The following SIGLEC6 variants were observed in gnomAD, a reference collection of about 807,000 sequenced individuals.
SIGLEC6 encodes sialic acid binding Ig like lectin 6.
A neutral mutation model predicts 41.4 loss-of-function variants in SIGLEC6; 31 were observed. The observed-to-expected ratio is 0.75, with a 90% CI of 0.56 to 1.01. The LOEUF (loss-of-function observed/expected upper bound fraction) is 1.01. Ranked by LOEUF, SIGLEC6 falls within the 50% of genes least tolerant of loss-of-function variation. SIGLEC6 has a pLI of 0.00. For missense variants in SIGLEC6, 555 were observed against 558.6 expected (o/e 0.99, Z 0.06); for synonymous variants, 217 against 231.0 (o/e 0.94, Z 0.55).
chr19:51,528,004 T>C (rs1568551589), intron 6 of SIGLEC6, among the ~76,000 whole-genome samples, 156 bp downstream of exon 6: 1 of 152,176 alleles, frequency 6.6e-6, no homozygotes, highest in Admixed American at 6.5e-5. Context: ...GTTCAGCTGG[T>C]CAACGGGGTA....
intron 6 of SIGLEC6, 134 bp downstream of exon 6, chr19:51,528,026 C>A: frequency 2.2e-6 from 2 of 915,520 alleles, no homozygotes; most frequent in Non-Finnish European, 1.7e-6. Context: ...TTCACACCAC[C>A]ACTACCCTCC....
Position 51,528,161 on chromosome 19 carries a change from T to C in SIGLEC6, c.1105A>G (p.Arg369Gly), listed in dbSNP as rs1346082303. 19 of 1,613,760 alleles carry C rather than the reference T, an allele frequency of 1.2e-5. No individual in the cohort carries two copies. Among genetic ancestry groups the C allele is most frequent in the Admixed American group, 3.3e-5 (2 of 59,994 alleles). Reference protein sequence around the residue: ...LVFLCVCFIFRVKTRRKKAAQ... With the variant: ...LVFLCVCFIFGVKTRRKKAAQ... The stretch of plus-strand genomic sequence containing the variant: ...TGCCTCCCTGGAGCCCACTCTCACC[T>C]GAAGATGAAGCAAACACAGAGGAAA... Residue 369 changes from arginine to glycine, a missense_variant and splice_region_variant, in exon 6 of 8, where the codon AGA becomes GGA. By Grantham distance (125) the Arg-to-Gly change is moderately radical (BLOSUM62 -2). Coordinates refer to ENST00000425629, the MANE Select transcript of SIGLEC6 (RefSeq NM_001245.7).
intron 7 of SIGLEC6, among the ~76,000 whole-genome samples, chr19:51,524,785 T>C (rs537944599): frequency 4.6e-5 from 7 of 152,054 alleles, no homozygotes; most frequent in Non-Finnish European, 1.0e-4. Context: ...GAAGGACACG[T>C]TGACATTCAT....
chr19:51,530,803 G>A lies in SIGLEC6; in HGVS notation c.584C>T (p.Thr195Ile). Residue 195 changes from threonine to isoleucine, a missense_variant, in exon 3 of 8, where the codon ACC (threonine) becomes ATC (isoleucine). By Grantham distance (89) the Thr-to-Ile change is moderately conservative. Coordinates refer to ENST00000425629, the MANE Select transcript of SIGLEC6 (RefSeq NM_001245.7). ...GGTGATTGTGAGCACCGAGGACTGG[G>A]TGGTCCTGGGGCCCAGGGAGGTGGG... ...AAPTSLGPRT[T>I]QSSVLTITPR... The A allele has an allele frequency of 6.2e-7, 1 of 1,614,124 alleles. No homozygotes were observed. The highest frequency in any genetic ancestry group is 8.5e-7 in the Non-Finnish European group (1 of 1,180,002).
In SIGLEC6 at chr19:51,530,543, C is replaced by A. The variant is rs779535465; in HGVS notation, c.707-59G>T. The A allele has an allele frequency of 1.9e-6, 3 of 1,611,206 alleles. No homozygotes were observed. In the Admixed American group the frequency reaches 5.0e-5, roughly 27 times the overall value. On this transcript the variant is annotated intron_variant, in intron 3 of 7. Transcript: ENST00000425629. ...CTGAGGAGGGATGGTAGGCATGGGGCCTTCCCCTCAGGAGCCATGAAAACA... is the reference window on the plus strand; with the variant it reads ...CTGAGGAGGGATGGTAGGCATGGGGACTTCCCCTCAGGAGCCATGAAAACA...
rs753970398 is a variant in SIGLEC6, at chr19:51,520,285, C to T, written c.1189-30G>A. ...ATGGAAGAAAAGAAAAGATTCAGGG[C>T]TGGACAATAGGTTCTCAAAGAAAGC... is the stretch of plus-strand genomic sequence containing the variant. On this transcript the variant is annotated intron_variant, in intron 7 of 7. Transcript: ENST00000425629. 14 of 1,506,316 alleles carry T rather than the reference C, an allele frequency of 9.3e-6. No homozygotes were observed. In the Admixed American group the frequency reaches 2.3e-4, roughly 24 times the overall value. The allele number at this position is 1,506,316 out of a possible 1,614,324, so 93.3% of individuals were successfully genotyped here.
chr19:51,521,868 A>G (rs1316778561), intron 7 of SIGLEC6, among the ~76,000 whole-genome samples: 1 of 152,256 alleles, frequency 6.6e-6, no homozygotes, highest in Non-Finnish European at 1.5e-5. Context: ...CAGGACTGTG[A>G]CATCTGAAAG....
Position 51,528,065 on chromosome 19 carries a change from C to A in SIGLEC6, c.1106+95G>T, listed in dbSNP as rs1979535089. ...TCCTCACTCTCGACTTTCCCAATCACCCCATTTTCCTCCACTCAGGTTTTC... is the reference window on the plus strand; with the variant it reads ...TCCTCACTCTCGACTTTCCCAATCAACCCATTTTCCTCCACTCAGGTTTTC... On this transcript the variant is annotated intron_variant, in intron 6 of 7. Transcript: ENST00000425629. 7 of 1,166,080 alleles carry A rather than the reference C, an allele frequency of 6.0e-6. No homozygotes were observed. The African/African-American group carries it at 7.6e-5, about 13-fold the overall frequency. 72.2% of individuals were successfully genotyped at this position (1,166,080 alleles called of 1,614,324 possible).
chr19:51,528,325 C>A (rs758459480), intron 5 of SIGLEC6, 72 bp from the exon 6 acceptor site: 128 of 1,320,456 alleles, frequency 9.7e-5, no homozygotes, highest in Admixed American at 7.7e-4. Context: ...TCCTCTCCAC[C>A]TTCCACTAAT....
Position 51,519,878 on chromosome 19 carries a change from C to G in SIGLEC6, c.*204G>C. On this transcript the variant is annotated 3_prime_UTR_variant, in exon 8 of 8. Transcript: ENST00000425629. ...GAAGACACAAGGAGGAGACAGCCAT[C>G]TACAAGCCAACAAGAGAGGCCTTAG... 1 of 345,584 alleles carries G rather than the reference C, an allele frequency of 2.9e-6. No individual in the cohort carries two copies. Among genetic ancestry groups the G allele is most frequent in the Non-Finnish European group, 5.2e-6 (1 of 190,718 alleles). 21.4% of individuals were successfully genotyped at this position (345,584 alleles called of 1,614,324 possible).
chr19:51,526,635 G>A (rs1198685261), intron 7 of SIGLEC6, among the ~76,000 whole-genome samples: 1 of 152,210 alleles, frequency 6.6e-6, no homozygotes, highest in Non-Finnish European at 1.5e-5. Context: ...CTAAAAGCCA[G>A]AGTGTCTTCT....
rs746826102 is a variant in SIGLEC6, at chr19:51,531,208, A to T, written c.379T>A (p.Trp127Arg). Residue 127 changes from tryptophan to arginine, a missense_variant, in exon 2 of 8, where the codon TGG becomes AGG. Transcript: ENST00000425629. ...AAYFFRLKSK[W>R]MKYGYTSSKL... ...GAAGATGTATAACCGTATTTCATCC[A>T]TTTGGACTTCAACCGAAAGAAGTAT... The T allele has an allele frequency of 6.2e-7, 1 of 1,610,964 alleles. No homozygotes were observed. The highest frequency in any genetic ancestry group is 8.5e-7 in the Non-Finnish European group (1 of 1,178,170).
Position 51,527,759 on chromosome 19 carries a change from G to C in SIGLEC6, c.1176C>G (p.Val392=), listed in dbSNP as rs1378697683. The C allele has an allele frequency of 1.2e-6, 2 of 1,613,822 alleles. No homozygotes were observed. Among genetic ancestry groups the C allele is most frequent in the South Asian group, 1.1e-5 (1 of 91,062 alleles). ...CTCTGTCACTCACCCTGGAGCCTGA[G>C]ACCATGACGGGGTTCACATCATCCG... is the stretch of plus-strand genomic sequence containing the variant. ...QNTDDVNPVM[V]SGSRGHQHQF... is the part of the protein sequence containing the mutation. Residue 392 remains valine, a synonymous_variant, in exon 7 of 8, where the codon GTC becomes GTG. Coordinates refer to ENST00000425629, the MANE Select transcript of SIGLEC6 (RefSeq NM_001245.7).
intron 7 of SIGLEC6, among the ~76,000 whole-genome samples, chr19:51,527,222 C>A (rs991216414): frequency 4.6e-5 from 7 of 152,078 alleles, no homozygotes; most frequent in African/African-American, 1.7e-4. Context: ...ATAAGACAAC[C>A]ATTCCCAAGA....
chr19:51,529,001 CAA>C (rs3072157), intron 5 of SIGLEC6, among the ~76,000 whole-genome samples: 18 of 92,762 alleles, frequency 1.9e-4, no homozygotes, highest in Admixed American at 2.6e-4. Flanking sequence ...GACCCTCTCT[CAA>C]AAAAAAAAAA....
Position 51,529,861 on chromosome 19 carries a change from G to A in SIGLEC6, c.875C>T (p.Ala292Val). ...ATTGGAGATGGGGGTGGCGTTCAGG[G>A]CGGGGAAGCCCTGGAACCAGCTCAG... ...AHLSWFQGFP[A>V]LNATPISNTG... The change falls in exon 5 of 8, where the codon GCC (alanine) becomes GTC (valine). Residue 292 changes from alanine (A) to valine (V), a missense_variant. Ala to Val is a moderately conservative substitution (Grantham distance 64). Transcript: ENST00000425629. The A allele has an allele frequency of 1.2e-6, 2 of 1,614,168 alleles. No individual in the cohort carries two copies. Among genetic ancestry groups the A allele is most frequent in the South Asian group, 1.1e-5 (1 of 91,076 alleles).
chr19:51,524,520 T>C (rs890397470), intron 7 of SIGLEC6, among the ~76,000 whole-genome samples: 2 of 152,160 alleles, frequency 1.3e-5, no homozygotes, highest in Non-Finnish European at 2.9e-5. Flanking sequence ...ACTAAGGATA[T>C]AGAAGGATTG....
At chr19:51,531,112 G>A (rs1421102656) in intron 2 of SIGLEC6, 48 bp downstream of exon 2, 8 of 1,553,852 alleles carry the variant, frequency 5.1e-6, no homozygotes, top group Admixed American at 1.9e-5. Context: ...CCTGCCCTAC[G>A]GCCCCCATGA....
At chr19:51,525,262 T>C (rs1979008945) in intron 7 of SIGLEC6, among the ~76,000 whole-genome samples, 1 of 152,058 alleles carries the variant, frequency 6.6e-6, no homozygotes, top group Non-Finnish European at 1.5e-5. Context: ...CTTGGGCCAG[T>C]AGCAGCTCTC....
Sources: gnomAD v4.1 joint callset for allele counts (sites outside exome capture counted in the v4.1 genomes callset) on GRCh38, gnomAD v4.1.1 for gene constraint, MANE v1.5 for transcripts, NCBI Gene and HGNC (gene_info 2026-07-23, HGNC 2026-07-21) for gene names.